The following WDR81 variants were observed in gnomAD, a reference collection of about 807,000 sequenced individuals.
WDR81 encodes WD repeat domain 81.
Under a neutral mutation model 140.8 loss-of-function variants are expected in WDR81, and 92 were observed. The ratio of observed to expected loss-of-function variants is 0.65; its 90% confidence interval spans 0.55 to 0.78. The LOEUF (loss-of-function observed/expected upper bound fraction) is 0.78, where lower values mean the gene tolerates loss of function less well. WDR81 is among the 30% of genes least tolerant of loss of function. The pLI is 0.00. For missense variants in WDR81, 2,502 were observed against 2,636.4 expected (o/e 0.95, Z 1.12); for synonymous variants, 1,183 against 1,156.4 (o/e 1.02, Z -0.47).
upstream of WDR81, among the ~76,000 whole-genome samples, chr17:1,720,696 T>A (rs1465780286): frequency 6.9e-6 from 1 of 145,918 alleles, no homozygotes; most frequent in Non-Finnish European, 1.5e-5. Context: ...ACCTGGGCGG[T>A]GAAGGTTGCA....
chr17:1,737,779 G>T lies in WDR81; in HGVS notation c.*94G>T. ...CCTGAGCAGCAGCTCCCTCCAGGGAGGCCCTGGGTCCCACGCCCTGGGTGC... is the reference window on the plus strand; with the variant it reads ...CCTGAGCAGCAGCTCCCTCCAGGGATGCCCTGGGTCCCACGCCCTGGGTGC... On this transcript the variant is annotated 3_prime_UTR_variant, in exon 10 of 10. Coordinates refer to ENST00000409644, the MANE Select transcript of WDR81 (RefSeq NM_001163809.2). 6.9e-7 allele frequency: 1 copy of T among 1,443,912 alleles called. No individual in the cohort carries two copies. 89.4% of individuals were successfully genotyped at this position (1,443,912 alleles called of 1,614,324 possible).
chr17:1,724,233 G>A (rs1915052671), upstream of WDR81, among the ~76,000 whole-genome samples: 1 of 152,176 alleles, frequency 6.6e-6, no homozygotes, highest in Non-Finnish European at 1.5e-5. Flanking sequence ...GCGTGGTGGC[G>A]CGCTCCTGAC....
At chr17:1,730,129 C>T (rs142810021) in intron 1 of WDR81, among the ~76,000 whole-genome samples, 1 of 152,256 alleles carries the variant, frequency 6.6e-6, no homozygotes, top group African/African-American at 2.4e-5. Flanking sequence ...TTTCAGAAGA[C>T]CCACGGGCAG....
chr17:1,733,607 A>G lies in WDR81; in HGVS notation c.4570A>G (p.Ser1524Gly). 6.3e-7 allele frequency: 1 copy of G among 1,578,742 alleles called. No individual in the cohort carries two copies. Among genetic ancestry groups the G allele is most frequent in the Non-Finnish European group, 8.6e-7 (1 of 1,162,154 alleles). Residue 1524 changes from serine to glycine, a missense_variant, in exon 7 of 10, where the codon AGC becomes GGC. Physicochemically the swap from Ser to Gly is moderately conservative, Grantham distance 56 (BLOSUM62 0). Transcript: ENST00000409644. ...AALYLESISP[S>G]SRNPASVEPT... is the part of the protein sequence containing the mutation. ...GCTGTACTTGGAGAGCATCAGCCCC[A>G]GCAGTCGCAACCCTGCCAGCGTGGA...
rs139554622 is a variant in WDR81, at chr17:1,733,912, C to G, written c.4875C>G (p.Ile1625Met). ...GGCTGGCGTACTGGCAGTACGAGAT[C>G]GGCGTGAGCCAGCAGGATGCCCACT... is the stretch of plus-strand genomic sequence containing the variant. The part of the protein sequence containing the change: ...GNWLAYWQYE[I>M]GVSQQDAHFH... The change falls in exon 7 of 10, where the codon ATC becomes ATG. Residue 1625 changes from isoleucine (I) to methionine (M), a missense_variant. By Grantham distance (10) the Ile-to-Met change is conservative (BLOSUM62 1). Coordinates refer to ENST00000409644, the MANE Select transcript of WDR81 (RefSeq NM_001163809.2). The G allele has an allele frequency of 2.0e-5, 32 of 1,612,656 alleles. No individual in the cohort carries two copies. Among genetic ancestry groups the G allele is most frequent in the Non-Finnish European group, 2.7e-5 (32 of 1,179,968 alleles).
intron 9 of WDR81, among the ~76,000 whole-genome samples, 195 bp from the exon 10 acceptor site, chr17:1,737,170 C>T (rs1904943766): frequency 6.6e-6 from 1 of 152,186 alleles, no homozygotes; most frequent in African/African-American, 2.4e-5. Flanking sequence ...AGAGTGACGA[C>T]TGGGTTACGG....
chr17:1,727,842 C>T lies in WDR81; in HGVS notation c.2883C>T (p.Tyr961=). 6.4e-7 allele frequency: 1 copy of T among 1,550,666 alleles called. No homozygotes were observed. ...TGGGCCCCAAAAATGCCAATAAGTA[C>T]CTCCTGAAGCCGCTCATTGGTGCCT... ...KALGPKNANK[Y]LLKPLIGAYE... Residue 961 remains tyrosine, a synonymous_variant, in exon 1 of 10, where the codon TAC becomes TAT. Transcript: ENST00000409644.
rs1468246408 is a variant in WDR81, at chr17:1,733,633, G to A, written c.4596G>A (p.Glu1532=). 5.6e-6 allele frequency: 9 copies of A among 1,600,254 alleles called. No individual in the cohort carries two copies. In the Admixed American group the frequency reaches 1.2e-4, roughly 21 times the overall value. Residue 1532 remains glutamate, a synonymous_variant, in exon 7 of 10, where the codon GAG becomes GAA. Coordinates refer to ENST00000409644, the MANE Select transcript of WDR81 (RefSeq NM_001163809.2). ...GCAGTCGCAACCCTGCCAGCGTGGA[G>A]CCCACCATGCCCGGCACCGGGCCCG... ...SPSSRNPASV[E]PTMPGTGPEW...
intron 9 of WDR81, 44 bp from the exon 10 acceptor site, chr17:1,737,318 TGCA>T (rs1416423035): frequency 6.5e-7 from 1 of 1,538,938 alleles, no homozygotes; most frequent in East Asian, 2.3e-5. Flanking sequence ...CCCAAGGGTA[TGCA>T]GAAGGACCCA....
Position 1,725,272 on chromosome 17 carries a change from G to C in WDR81, c.313G>C (p.Val105Leu), listed in dbSNP as rs572880682. The C allele has an allele frequency of 1.4e-5, 22 of 1,545,724 alleles. No individual in the cohort carries two copies. Among genetic ancestry groups the C allele is most frequent in the Non-Finnish European group, 1.6e-5 (18 of 1,146,952 alleles). ...VQRLPAGWTR[V>L]EVHGLRKRRL... ...AAGGCTGCCTGCCGGCTGGACGCGCGTGGAGGTGCATGGGCTGCGGAAGCG... is the reference window on the plus strand; with the variant it reads ...AAGGCTGCCTGCCGGCTGGACGCGCCTGGAGGTGCATGGGCTGCGGAAGCG... Residue 105 changes from valine (V) to leucine (L), a missense_variant, in exon 1 of 10, where the codon GTG becomes CTG. Physicochemically the swap from Val to Leu is conservative, Grantham distance 32. Around this residue, in one of 3 missense-constraint regions of WDR81, gnomAD observed 547 missense variants for 513.8 expected, o/e 1.06. Coordinates refer to ENST00000409644, the MANE Select transcript of WDR81 (RefSeq NM_001163809.2).
At chr17:1,733,110 G>T in intron 6 of WDR81, 1 of 484,788 alleles carries the variant, frequency 2.1e-6, no homozygotes, top group South Asian at 3.4e-5. Context: ...GAGCTGGCGA[G>T]AGGGAAGGAG....
chr17:1,727,441 A>G lies in WDR81; in HGVS notation c.2482A>G (p.Met828Val). 1 of 1,550,394 alleles carries G rather than the reference A, an allele frequency of 6.4e-7. No homozygotes were observed. Among genetic ancestry groups the G allele is most frequent in the Non-Finnish European group, 8.7e-7 (1 of 1,146,982 alleles). ...GCCCGTGCTGGACACACTCCTGCAG[A>G]TGAGTGGCCCCGAAGTCCCCATGGG... is the stretch of plus-strand genomic sequence containing the variant. ...LQPVLDTLLQ[M>V]SGPEVPMGAE... Residue 828 changes from methionine (M) to valine (V), a missense_variant, in exon 1 of 10, where the codon ATG becomes GTG. Around this residue, in one of 3 missense-constraint regions of WDR81, gnomAD observed 1,737 missense variants for 1,843.0 expected, o/e 0.94. Coordinates refer to ENST00000409644, the MANE Select transcript of WDR81 (RefSeq NM_001163809.2).
chr17:1,737,064 TG>T (rs1037662101), intron 9 of WDR81, among the ~76,000 whole-genome samples: 7 of 152,132 alleles, frequency 4.6e-5, no homozygotes, highest in Non-Finnish European at 7.3e-5. Flanking sequence ...GTTTGTGAAA[TG>T]GGGACAATGG....
chr17:1,716,697 C>A, intron 1 of WDR81: 2 of 1,524,336 alleles, frequency 1.3e-6, no homozygotes, highest in Non-Finnish European at 1.8e-6. Flanking sequence ...AGGGCGACAG[C>A]CCCTCCTTGT....
At chr17:1,730,604 GGT>G in intron 2 of WDR81, 117 bp downstream of exon 2, 2 of 1,404,108 alleles carry the variant, frequency 1.4e-6, no homozygotes, top group Non-Finnish European at 1.9e-6. Flanking sequence ...CCCCCGGCCA[GGT>G]GCTGGGTCCC....
upstream of WDR81, among the ~76,000 whole-genome samples, chr17:1,720,868 G>T (rs74251990): frequency 7.6e-4 from 115 of 152,214 alleles, 1 homozygote; most frequent in East Asian, 0.019. Flanking sequence ...CAGTGCGCCA[G>T]TTCCCAATAT....
chr17:1,720,071 A>T (rs2151155481), upstream of WDR81, among the ~76,000 whole-genome samples: 1 of 152,058 alleles, frequency 6.6e-6, no homozygotes, highest in South Asian at 2.1e-4. Context: ...CCTAGCGTAG[A>T]TTTAATTAGA....
chr17:1,731,757 G>A (rs963299979), intron 4 of WDR81, among the ~76,000 whole-genome samples: 3 of 150,582 alleles, frequency 2.0e-5, no homozygotes, highest in Non-Finnish European at 1.5e-5. Flanking sequence ...CAAAATCTTC[G>A]CTGGGCATGG....
At position 1,728,537 on chromosome 17, in the gene WDR81, T is replaced by C. The variant is rs138374243; in HGVS notation, c.3578T>C (p.Val1193Ala). 51 of 1,551,034 alleles carry C rather than the reference T, an allele frequency of 3.3e-5. No homozygotes were observed. Among genetic ancestry groups the C allele is most frequent in the Admixed American group, 1.6e-4 (8 of 50,536 alleles). ...GACACGGTGCTGTCCATGGAGACGGTTGTGGCCGGCGGCAGTGGGGGAGAT... is the reference window on the plus strand; with the variant it reads ...GACACGGTGCTGTCCATGGAGACGGCTGTGGCCGGCGGCAGTGGGGGAGAT... Reference protein sequence around the residue: ...LSDTVLSMETVVAGGSGGDGE... With the variant: ...LSDTVLSMETAVAGGSGGDGE... Residue 1193 changes from valine (V) to alanine (A), a missense_variant, in exon 1 of 10, where the codon GTT (valine) becomes GCT (alanine). By Grantham distance (64) the Val-to-Ala change is moderately conservative (BLOSUM62 0). Transcript: ENST00000409644.
Sources: gnomAD v4.1 joint callset for allele counts (sites outside exome capture counted in the v4.1 genomes callset) on GRCh38, gnomAD v4.1.1 for gene constraint, gnomAD v4.1.1 regional missense constraint, MANE v1.5 for transcripts, NCBI Gene and HGNC (gene_info 2026-07-23, HGNC 2026-07-21) for gene names.